Variants in JMY observed in about 807,000 individuals in gnomAD.
JMY encodes junction-mediating and -regulatory protein.
A neutral mutation model predicts 103.3 loss-of-function variants in JMY; 46 were observed. That is an observed-to-expected ratio of 0.45 (90% CI 0.35 to 0.57). The LOEUF (loss-of-function observed/expected upper bound fraction) is 0.57. Ranked by LOEUF, JMY falls within the 20% of genes least tolerant of loss-of-function variation. The pLI is 0.00. For synonymous variants in JMY, 526 were observed against 489.3 expected (o/e 1.07, Z -0.99); for missense variants, 1,238 against 1,255.2 (o/e 0.99, Z 0.21).
At chr5:79,280,751 A>G (rs1490553344) in intron 2 of JMY, among the ~76,000 whole-genome samples, 1 of 152,206 alleles carries the variant, frequency 6.6e-6, no homozygotes, top group Non-Finnish European at 1.5e-5. Context: ...CCTACTTCAT[A>G]GATAAGAAAA....
chr5:79,286,923 A>G (rs1363419578), intron 2 of JMY, among the ~76,000 whole-genome samples: 7 of 152,314 alleles, frequency 4.6e-5, no homozygotes, highest in Admixed American at 2.0e-4. Flanking sequence ...AGAGGAAGCA[A>G]TTGTAAAAAC....
intron 2 of JMY, among the ~76,000 whole-genome samples, chr5:79,288,712 TTTTG>T (rs963426902): frequency 6.6e-6 from 1 of 151,306 alleles, no homozygotes; most frequent in Non-Finnish European, 1.5e-5. Context: ...TTTTGTTTTG[TTTTG>T]TTTTTTTTTG....
chr5:79,239,705 G>A (rs1744673387), intron 1 of JMY, among the ~76,000 whole-genome samples: 1 of 151,888 alleles, frequency 6.6e-6, no homozygotes, highest in African/African-American at 2.4e-5. Flanking sequence ...TAGCTACTGG[G>A]AGGCTGAGGC....
At chr5:79,240,134 G>A (rs1361388308) in intron 1 of JMY, among the ~76,000 whole-genome samples, 1 of 151,620 alleles carries the variant, frequency 6.6e-6, no homozygotes, top group Non-Finnish European at 1.5e-5. Flanking sequence ...TCCTCCCTCA[G>A]CCTCCTGAGT....
intron 1 of JMY, among the ~76,000 whole-genome samples, chr5:79,247,259 G>A (rs969280535): frequency 6.6e-6 from 1 of 151,826 alleles, no homozygotes; most frequent in African/African-American, 2.4e-5. Flanking sequence ...ACCTTTTTTT[G>A]TTTGGGATTA....
intron 1 of JMY, among the ~76,000 whole-genome samples, chr5:79,255,495 A>G (rs1215721171): frequency 5.3e-5 from 8 of 152,116 alleles, no homozygotes; most frequent in African/African-American, 1.9e-4. Flanking sequence ...GTACTTGTAG[A>G]TGTTCATCTG....
At chr5:79,252,978 G>A (rs1455923904) in intron 1 of JMY, among the ~76,000 whole-genome samples, 1 of 151,854 alleles carries the variant, frequency 6.6e-6, no homozygotes, top group African/African-American at 2.4e-5. Flanking sequence ...TTTGTTTTGT[G>A]GTCTCCTCTC....
At chr5:79,287,188 G>A (rs1746293942) in intron 2 of JMY, among the ~76,000 whole-genome samples, 1 of 152,130 alleles carries the variant, frequency 6.6e-6, no homozygotes, top group Admixed American at 6.5e-5. Context: ...GCCGATGCTG[G>A]GGTGAAATAA....
chr5:79,242,013 A>G (rs1473426272), intron 1 of JMY, among the ~76,000 whole-genome samples: 1 of 152,216 alleles, frequency 6.6e-6, no homozygotes, highest in Non-Finnish European at 1.5e-5. Flanking sequence ...AGCTATTCTC[A>G]AGATGATTAA....
In JMY at chr5:79,316,118, G is replaced by A; in HGVS notation, c.2778G>A (p.Leu926=). 6.2e-7 allele frequency: 1 copy of A among 1,613,894 alleles called. No individual in the cohort carries two copies. Among genetic ancestry groups the A allele is most frequent in the African/African-American group, 1.3e-5 (1 of 75,036 alleles). The change falls in exon 10 of 11, where the codon TTG becomes TTA. Residue 926 remains leucine (L), a synonymous_variant. Coordinates refer to ENST00000396137, the MANE Select transcript of JMY (RefSeq NM_152405.5). ...FPDEDDSNNI[L]AQIRKGVKLK... ...ATGAAGATGATAGTAATAATATCTTGGCACAAATAAGGAAAGGGGTAAAAT... is the reference window on the plus strand; with the variant it reads ...ATGAAGATGATAGTAATAATATCTTAGCACAAATAAGGAAAGGGGTAAAAT...
chr5:79,275,156 G>GTTT (rs113713043), intron 1 of JMY, among the ~76,000 whole-genome samples: 4 of 133,684 alleles, frequency 3.0e-5, no homozygotes, highest in Non-Finnish European at 4.9e-5. Flanking sequence ...GTTTCTGAGG[G>GTTT]TTTTTTTTTT....
chr5:79,282,016 T>C (rs563634468), intron 2 of JMY, among the ~76,000 whole-genome samples: 201 of 152,118 alleles, frequency 1.3e-3, no homozygotes, highest in Middle Eastern at 6.8e-3. Context: ...CCACACTGGC[T>C]AACACGGTGA....
rs1026462788 is a variant in JMY, at chr5:79,236,359, C to G, written c.-292C>G. ...ACGGCCTCGCGCGGGGGGCGGCGGG[C>G]GGCCGCGAGGCGCTGCGGCAGCGCG... On this transcript the variant is annotated 5_prime_UTR_variant, in exon 1 of 11. Coordinates refer to ENST00000396137, the MANE Select transcript of JMY (RefSeq NM_152405.5). 3 of 248,800 alleles carry G rather than the reference C, an allele frequency of 1.2e-5. No individual in the cohort carries two copies. The highest frequency in any genetic ancestry group is 2.3e-5 in the Non-Finnish European group (3 of 130,988). 15.4% of individuals were successfully genotyped at this position (248,800 alleles called of 1,614,324 possible).
intron 4 of JMY, among the ~76,000 whole-genome samples, chr5:79,292,960 A>G (rs989641247): frequency 6.6e-6 from 1 of 152,160 alleles, no homozygotes; most frequent in Non-Finnish European, 1.5e-5. Context: ...CTTTGTATCT[A>G]TGTGTGGTGA....
chr5:79,260,880 A>G (rs572681233), intron 1 of JMY, among the ~76,000 whole-genome samples: 1 of 152,176 alleles, frequency 6.6e-6, no homozygotes, highest in Non-Finnish European at 1.5e-5. Flanking sequence ...AGTAGGGGAA[A>G]CAGACCAAAT....
intron 10 of JMY, among the ~76,000 whole-genome samples, chr5:79,320,713 A>C (rs1747423137): frequency 6.6e-6 from 1 of 152,220 alleles, no homozygotes; most frequent in South Asian, 2.1e-4. Flanking sequence ...AAAAATGAAA[A>C]GGAACATGTG....
Position 79,292,942 on chromosome 5 carries a change from G to A in JMY, c.1527+1643G>A, listed in dbSNP as rs183764138. 3.9e-5 allele frequency among the ~76,000 whole-genome samples: 6 copies of A among 152,196 alleles called. No individual in the cohort carries two copies. The East Asian group carries it at 1.2e-3, about 29-fold the overall frequency. On this transcript the variant is annotated intron_variant, in intron 4 of 10. Coordinates refer to ENST00000396137, the MANE Select transcript of JMY (RefSeq NM_152405.5). ...CTTGTTTTGTGTATAATTTAGATAGGTATTGTGCTTTGTATCTATGTGTGG... is the reference window on the plus strand; with the variant it reads ...CTTGTTTTGTGTATAATTTAGATAGATATTGTGCTTTGTATCTATGTGTGG...
In JMY at chr5:79,256,559, A is replaced by AT. The variant is rs757687646; in HGVS notation, c.1032+18879dup. Among the ~76,000 whole-genome samples the AT allele has an allele frequency of 5.9e-5, 9 of 152,234 alleles. No individual in the cohort carries two copies. The East Asian group carries it at 1.4e-3, about 23-fold the overall frequency. On this transcript the variant is annotated intron_variant, in intron 1 of 10. Coordinates refer to ENST00000396137, the MANE Select transcript of JMY (RefSeq NM_152405.5). Reference sequence around the variant, plus strand: ...AATTTGCATCATCTTGCTCTGTCCTATTCCCCTTAGCTAACTTAAAAAATG... The same window carrying AT: ...AATTTGCATCATCTTGCTCTGTCCTATTTCCCCTTAGCTAACTTAAAAAATG...
intron 2 of JMY, among the ~76,000 whole-genome samples, chr5:79,279,588 T>C (rs912035906): frequency 2.0e-5 from 3 of 152,176 alleles, no homozygotes; most frequent in Non-Finnish European, 4.4e-5. Flanking sequence ...GTGAGTATAT[T>C]TGAAAAGGTA....
Sources: gnomAD v4.1 joint callset for allele counts (sites outside exome capture counted in the v4.1 genomes callset) on GRCh38, gnomAD v4.1.1 for gene constraint, MANE v1.5 for transcripts, NCBI Gene and HGNC (gene_info 2026-07-23, HGNC 2026-07-21) for gene names.